LAYN: variants seen among roughly 807,000 people sequenced by gnomAD.
The protein encoded by LAYN is layilin.
A neutral mutation model predicts 43.6 loss-of-function variants in LAYN; 38 were observed. The ratio of observed to expected loss-of-function variants is 0.87; its 90% confidence interval spans 0.67 to 1.14. The LOEUF (loss-of-function observed/expected upper bound fraction) is 1.14. LAYN is among the 50% of genes most tolerant of loss of function. The pLI, the probability that LAYN is intolerant of heterozygous loss-of-function variation, is 0.00. For synonymous variants in LAYN, 168 were observed against 172.9 expected, an observed-to-expected ratio of 0.97 and a Z score of 0.22; for missense variants, 479 against 463.8, an observed-to-expected ratio of 1.03 and a Z score of -0.30.
At chr11:111,542,236 G>C (rs537066102) in intron 1 of LAYN, among the ~76,000 whole-genome samples, 2 of 152,286 alleles carry the variant, frequency 1.3e-5, no homozygotes, top group African/African-American at 4.8e-5. Context: ...GGGTATCCCT[G>C]CCTCAGCCTC....
Position 111,561,715 on chromosome 11 carries a change from G to C in LAYN, c.*1257G>C, listed in dbSNP as rs549647175. 3.3e-5 allele frequency: 5 copies of C among 152,180 alleles called. No individual in the cohort carries two copies. In the East Asian group the frequency reaches 9.6e-4, roughly 29 times the overall value. The allele number at this position is 152,180 out of a possible 1,614,324, so 9.4% of individuals were successfully genotyped here. A position where few individuals can be genotyped will look rare whatever the true frequency, so the allele number is the denominator to read the frequency against. ...TATTTTTTAATAGCTCAGCAACTTTGCTTCACATATGGAGCCCCAACCTCT... is the reference window on the plus strand; with the variant it reads ...TATTTTTTAATAGCTCAGCAACTTTCCTTCACATATGGAGCCCCAACCTCT... On this transcript the variant is annotated 3_prime_UTR_variant, in exon 7 of 7. Transcript: ENST00000375614.
chr11:111,540,760 T>C lies in LAYN; in HGVS notation c.-84T>C. 1.5e-6 allele frequency: 2 copies of C among 1,324,504 alleles called. No homozygotes were observed. Among genetic ancestry groups the C allele is most frequent in the Non-Finnish European group, 2.0e-6 (2 of 991,646 alleles). 82.0% of individuals were successfully genotyped at this position (1,324,504 alleles called of 1,614,324 possible). On this transcript the variant is annotated 5_prime_UTR_variant, in exon 1 of 7. Transcript: ENST00000375614. ...GGCCTAGAGATGCTGCTGCCGCGGT[T>C]GCAGTTGTCGCGCACGCCTCTGCCC... is the stretch of plus-strand genomic sequence containing the variant.
chr11:111,540,511 C>G (rs756622210), upstream of LAYN: 2 of 400,670 alleles, frequency 5.0e-6, no homozygotes, highest in African/African-American at 2.1e-5. Flanking sequence ...CTCGGGCAAA[C>G]GCGGGATCTC....
rs182544001 is a variant in LAYN at position 111,553,311 on chromosome 11, T to G, written c.542-1250T>G. On this transcript the variant is annotated intron_variant, in intron 3 of 6. Coordinates refer to ENST00000375614, the MANE Select transcript of LAYN (RefSeq NM_178834.5). The stretch of plus-strand genomic sequence containing the variant: ...TGTTATCAGGATTAATTGAGTTTGA[T>G]TTTATAAAACACTTAGAACAGCCCA... Among the ~76,000 whole-genome samples the G allele has an allele frequency of 2.6e-5, 4 of 152,220 alleles. No individual in the cohort carries two copies. In the South Asian group the frequency reaches 8.3e-4, roughly 32 times the overall value.
Position 111,556,577 on chromosome 11 carries a change from C to T in LAYN, c.659-964C>T, listed in dbSNP as rs143897325. Among the ~76,000 whole-genome samples, 398 of 152,328 alleles carry T rather than the reference C, an allele frequency of 2.6e-3. 3 individuals are homozygous for T. The highest frequency in any genetic ancestry group is 8.4e-3 in the African/African-American group (351 of 41,574). On this transcript the variant is annotated intron_variant, in intron 5 of 6. Transcript: ENST00000375614. ...GATTTAGAGCCTCTCTCCCAGGAAC[C>T]AGGGACAAAGGCCCATCAGATTCTT...
chr11:111,541,521 G>T, intron 1 of LAYN: 1 of 1,534,154 alleles, frequency 6.5e-7, no homozygotes, highest in Non-Finnish European at 8.7e-7. Context: ...TGACTCCGGG[G>T]AATGACTCTC....
rs569550577 is a variant in LAYN at position 111,547,065 on chromosome 11, TTCCATG to T, written c.384-2550_384-2545del. 2.9e-3 allele frequency among the ~76,000 whole-genome samples: 445 copies of T among 152,348 alleles called. 2 individuals are homozygous for T. The highest frequency in any genetic ancestry group is 9.9e-3 in the African/African-American group (412 of 41,576). ...GTGACTCCTACTCAAAATGGCTGTA[TTCCATG>T]TCACCTGGTTTATGGGCCAGAGCAA... On this transcript the variant is annotated intron_variant, in intron 2 of 6. Transcript: ENST00000375614.
chr11:111,546,419 T>G (rs1867649410), intron 2 of LAYN, among the ~76,000 whole-genome samples: 1 of 152,198 alleles, frequency 6.6e-6, no homozygotes, highest in Non-Finnish European at 1.5e-5. Context: ...CTCTGGCCAT[T>G]GGGAAGATGT....
At chr11:111,542,223 C>T (rs569635972) in intron 1 of LAYN, among the ~76,000 whole-genome samples, 1 of 152,304 alleles carries the variant, frequency 6.6e-6, no homozygotes, top group African/African-American at 2.4e-5. Context: ...GCCCCCTTCC[C>T]GGGGGTATCC....
At chr11:111,550,874 G>A (rs1867730923) in intron 3 of LAYN, among the ~76,000 whole-genome samples, 1 of 152,182 alleles carries the variant, frequency 6.6e-6, no homozygotes, top group Admixed American at 6.5e-5. Context: ...TTTGAAATGT[G>A]AGGTTTTGAA....
Position 111,544,114 on chromosome 11 carries a change from G to C in LAYN, c.277G>C (p.Asp93His). 1 of 1,614,212 alleles carries C rather than the reference G, an allele frequency of 6.2e-7. No homozygotes were observed. The highest frequency in any genetic ancestry group is 1.1e-5 in the South Asian group (1 of 91,084). The change falls in exon 2 of 7, where the codon GAT (aspartate) becomes CAT (histidine). Residue 93 changes from aspartate to histidine, a missense_variant. By Grantham distance (81) the Asp-to-His change is moderately conservative. Transcript: ENST00000375614. ...GTTCATTGAAAACCTCTTGCCATCT[G>C]ATGGTGACTTCTGGATTGGGCTCAG... ...EKFIENLLPS[D>H]GDFWIGLRRR...
intron 2 of LAYN, among the ~76,000 whole-genome samples, chr11:111,545,527 C>G (rs1427810151): frequency 6.6e-6 from 1 of 152,224 alleles, no homozygotes; most frequent in African/African-American, 2.4e-5. Flanking sequence ...GCAGGCCTAT[C>G]TCCTCCCGAT....
Position 111,561,059 on chromosome 11 carries a change from C to T in LAYN, c.*601C>T, listed in dbSNP as rs1008756437. 2.6e-5 allele frequency: 4 copies of T among 152,598 alleles called. No individual in the cohort carries two copies. The highest frequency in any genetic ancestry group is 9.7e-5 in the African/African-American group (4 of 41,418). 9.5% of individuals were successfully genotyped at this position (152,598 alleles called of 1,614,324 possible). ...ATCCAGACTTGGAAATATCTAACTACTTGCAAAACTAAAAATGAGGCCAGG... is the reference window on the plus strand; with the variant it reads ...ATCCAGACTTGGAAATATCTAACTATTTGCAAAACTAAAAATGAGGCCAGG... On this transcript the variant is annotated 3_prime_UTR_variant, in exon 7 of 7. Transcript: ENST00000375614.
chr11:111,561,215 C>A lies in LAYN; in HGVS notation c.*757C>A, dbSNP rs984587807. 1.3e-5 allele frequency: 2 copies of A among 152,206 alleles called. No homozygotes were observed. The highest frequency in any genetic ancestry group is 2.9e-5 in the Non-Finnish European group (2 of 68,074). The allele number at this position is 152,206 out of a possible 1,614,324, so 9.4% of individuals were successfully genotyped here. A position where few individuals can be genotyped will look rare whatever the true frequency, so the allele number is the denominator to read the frequency against. On this transcript the variant is annotated 3_prime_UTR_variant, in exon 7 of 7. Coordinates refer to ENST00000375614, the MANE Select transcript of LAYN (RefSeq NM_178834.5). Reference sequence around the variant, plus strand: ...ACTCTACAAAAAATTTAAAAATTAGCAGGGCATGGTGGCATGCGCCTGCAG... The same window carrying A: ...ACTCTACAAAAAATTTAAAAATTAGAAGGGCATGGTGGCATGCGCCTGCAG...
At position 111,540,730 on chromosome 11, in the gene LAYN, T is replaced by A; in HGVS notation, c.-114T>A. ...TCCCCCCCGCCTCCCGTGCGGTCCG[T>A]CGGTGGCCTAGAGATGCTGCTGCCG... On this transcript the variant is annotated 5_prime_UTR_variant, in exon 1 of 7. Coordinates refer to ENST00000375614, the MANE Select transcript of LAYN (RefSeq NM_178834.5). The A allele has an allele frequency of 9.5e-7, 1 of 1,053,594 alleles. No homozygotes were observed. The highest frequency in any genetic ancestry group is 1.7e-5 in the South Asian group (1 of 57,904). 65.3% of individuals were successfully genotyped at this position (1,053,594 alleles called of 1,614,324 possible). A position where few individuals can be genotyped will look rare whatever the true frequency, so the allele number is the denominator to read the frequency against.
At chr11:111,552,877 T>C (rs1867767475) in intron 3 of LAYN, among the ~76,000 whole-genome samples, 1 of 152,242 alleles carries the variant, frequency 6.6e-6, no homozygotes. Context: ...TTATCTCCGC[T>C]ACCTAGCACA....
intron 1 of LAYN, 60 bp downstream of exon 1, chr11:111,540,988 C>A: frequency 6.9e-7 from 1 of 1,459,334 alleles, no homozygotes; most frequent in Non-Finnish European, 9.2e-7. Context: ...ACCCCAGCTG[C>A]TGCTGACCCT....
At chr11:111,541,520 G>C in intron 1 of LAYN, 1 of 1,533,880 alleles carries the variant, frequency 6.5e-7, no homozygotes, top group Non-Finnish European at 8.7e-7. Context: ...CTGACTCCGG[G>C]GAATGACTCT....
chr11:111,555,206 G>C lies in LAYN; in HGVS notation c.575-1G>C, dbSNP rs374148685. On this transcript the variant is annotated splice_acceptor_variant, in intron 4 of 6. Coordinates refer to ENST00000375614, the MANE Select transcript of LAYN (RefSeq NM_178834.5). LOFTEE classifies it high-confidence loss of function. The stretch of plus-strand genomic sequence containing the variant: ...TCACAAGTCCATGTGTCTCTCTCCA[G>C]GTGAGGAAACAGAGCTGACAACACC... The C allele has an allele frequency of 3.7e-6, 6 of 1,611,160 alleles. No homozygotes were observed. The highest frequency in any genetic ancestry group is 5.1e-6 in the Non-Finnish European group (6 of 1,177,624).
Sources: allele counts gnomAD v4.1 joint callset (sites outside exome capture counted in the v4.1 genomes callset), GRCh38; gene constraint gnomAD v4.1.1; transcripts MANE v1.5; gene names NCBI Gene and HGNC (gene_info 2026-07-23, HGNC 2026-07-21).